ADRA1A: variants seen among roughly 807,000 people sequenced by gnomAD.
The protein encoded by ADRA1A is alpha-1A adrenergic receptor.
Under a neutral mutation model 29.6 loss-of-function variants are expected in ADRA1A, and 31 were observed. That is an observed-to-expected ratio of 1.05 (90% CI 0.79 to 1.41). The LOEUF is 1.41. ADRA1A is among the 40% of genes most tolerant of loss of function. The pLI is 0.00. For synonymous variants in ADRA1A, 311 were observed against 254.3 expected (o/e 1.22, Z -2.12); for missense variants, 619 against 601.1 (o/e 1.03, Z -0.31).
intron 2 of ADRA1A, among the ~76,000 whole-genome samples, chr8:26,843,123 G>T (rs1306468511): frequency 2.6e-5 from 4 of 152,114 alleles, no homozygotes; most frequent in Admixed American, 2.6e-4. Context: ...GTGTTATCTT[G>T]TCCTGATGAC....
downstream of ADRA1A, among the ~76,000 whole-genome samples, chr8:26,762,952 A>G (rs548911448): frequency 6.6e-6 from 1 of 152,316 alleles, no homozygotes; most frequent in Non-Finnish European, 1.5e-5. This position sits in a 1 kb window ranked among gnomAD's most constrained non-coding sequence, Gnocchi z 4.0. Context: ...CAGCTCAGGG[A>G]AACATGAATC....
chr8:26,770,725 A>T (rs1048425212), intron 2 of ADRA1A, 59 bp from the exon 3 acceptor site: 8 of 1,526,694 alleles, frequency 5.2e-6, no homozygotes, highest in Non-Finnish European at 7.0e-6. Flanking sequence ...CCAATTGGCT[A>T]GGAAAACAAT....
In ADRA1A at chr8:26,867,261, C is replaced by T. The variant is rs1255664022; in HGVS notation, c.-1012G>A. ...AAAAGAATAGCAAGGAACTTTGCAG[C>T]TCTCGCTGACGTAACTCAGGCAGTA... On this transcript the variant is annotated 5_prime_UTR_variant, in exon 1 of 3. Transcript: ENST00000380573. 2 of 985,364 alleles carry T rather than the reference C, an allele frequency of 2.0e-6. No individual in the cohort carries two copies. The highest frequency in any genetic ancestry group is 2.4e-6 in the Non-Finnish European group (2 of 829,964). 61.0% of individuals were successfully genotyped at this position (985,364 alleles called of 1,614,324 possible). A position where few individuals can be genotyped will look rare whatever the true frequency, so the allele number is the denominator to read the frequency against.
chr8:26,761,880 C>T (rs1805522452), downstream of ADRA1A, among the ~76,000 whole-genome samples: 1 of 152,142 alleles, frequency 6.6e-6, no homozygotes, highest in Admixed American at 6.5e-5. Context: ...AGCAGATGGG[C>T]TGCTGGGGAC....
chr8:26,786,510 G>C (rs7832752), intron 2 of ADRA1A, among the ~76,000 whole-genome samples: 51,260 of 151,588 alleles, frequency 0.34, 9,986 homozygotes, highest in East Asian at 0.84. Flanking sequence ...AATGATCCAC[G>C]TGCCTCAGCC....
chr8:26,774,272 G>T (rs1806381883), intron 2 of ADRA1A, among the ~76,000 whole-genome samples: 1 of 152,194 alleles, frequency 6.6e-6, no homozygotes, highest in Admixed American at 6.5e-5. Flanking sequence ...GGGAACAGGT[G>T]CTGGGAGCCA....
chr8:26,864,594 T>G lies in ADRA1A; in HGVS notation c.376A>C (p.Ile126Leu), dbSNP rs1372847806. 3.1e-6 allele frequency: 5 copies of G among 1,614,110 alleles called. No homozygotes were observed. The highest frequency in any genetic ancestry group is 1.1e-5 in the South Asian group (1 of 91,072). ...TAGCGCAGCGGGTAGCTCACGCCGA[T>G]GTAGCGGTCGATGGAGATGATGCAG... ...GLCIISIDRY[I>L]GVSYPLRYPT... is the part of the protein sequence containing the mutation. The change falls in exon 2 of 3, where the codon ATC becomes CTC. Residue 126 changes from isoleucine (I) to leucine (L), a missense_variant. Ile to Leu is a conservative substitution (Grantham distance 5, BLOSUM62 2). Transcript: ENST00000380573. This position sits in a 1 kb window ranked among gnomAD's most constrained non-coding sequence, Gnocchi z 8.1.
At chr8:26,767,802 G>T (rs1805871899), downstream of ADRA1A, among the ~76,000 whole-genome samples, 1 of 152,206 alleles carries the variant, frequency 6.6e-6, no homozygotes, top group South Asian at 2.1e-4. Flanking sequence ...CCTGTAAGGG[G>T]GAGTGGGGCA....
chr8:26,765,724 CTCTT>C, downstream of ADRA1A: 1 of 953,384 alleles, frequency 1.0e-6, no homozygotes. Context: ...ATGAGCAGAG[CTCTT>C]TCTTTAATTA....
chr8:26,778,798 G>A (rs1806734316), intron 2 of ADRA1A, among the ~76,000 whole-genome samples: 2 of 117,878 alleles, frequency 1.7e-5, no homozygotes, highest in South Asian at 3.4e-4. Flanking sequence ...CTGTTGTGGG[G>A]TGGGGGGAGG....
intron 2 of ADRA1A, among the ~76,000 whole-genome samples, chr8:26,838,631 G>C (rs1358858124): frequency 6.6e-6 from 1 of 152,210 alleles, no homozygotes; most frequent in African/African-American, 2.4e-5. Context: ...GTGAAGAACT[G>C]AGCCCTGGAG....
rs569522394 is a variant in ADRA1A at position 26,844,052 on chromosome 8, A to T, written c.883+20035T>A. On this transcript the variant is annotated intron_variant, in intron 2 of 2. Transcript: ENST00000380573. Reference sequence around the variant, plus strand: ...CAGGTCCACCATTCCTTTTCCAAAAACTTTGGTATTAGATGTGTTTTGGAA... The same window carrying T: ...CAGGTCCACCATTCCTTTTCCAAAATCTTTGGTATTAGATGTGTTTTGGAA... Among the ~76,000 whole-genome samples, 13 of 152,248 alleles carry T rather than the reference A, an allele frequency of 8.5e-5. No individual in the cohort carries two copies. The South Asian group carries it at 2.5e-3, about 29-fold the overall frequency.
rs539688344 is a variant in ADRA1A at position 26,760,594 on chromosome 8, G to A, written c.1270-3815C>T. Among the ~76,000 whole-genome samples the A allele has an allele frequency of 2.0e-4, 31 of 152,234 alleles. 1 individual carries two copies. The South Asian group carries it at 5.2e-3, about 25-fold the overall frequency. Reference sequence around the variant, plus strand: ...CCCTTAACCCACCTATCACTGGCACGGGTGCCCCAGGGTGATCACAGGGCT... The same window carrying A: ...CCCTTAACCCACCTATCACTGGCACAGGTGCCCCAGGGTGATCACAGGGCT... On this transcript the variant is annotated intron_variant, in intron 2 of 2. Coordinates refer to the ADRA1A transcript ENST00000380582.
At position 26,768,996 on chromosome 8, in the gene ADRA1A, C is replaced by T. The variant is rs901730202; in HGVS notation, c.*1153G>A. ...TGCGTTAGACAGTTCTTTGGTGATC[C>T]ATCAGTATTGTCTGAAGCTAAGCAT... On this transcript the variant is annotated 3_prime_UTR_variant, in exon 3 of 3. Transcript: ENST00000380573. The T allele has an allele frequency of 1.0e-6, 1 of 985,308 alleles. No homozygotes were observed. Among genetic ancestry groups the T allele is most frequent in the African/African-American group, 1.7e-5 (1 of 57,242 alleles). The allele number at this position is 985,308 out of a possible 1,614,324, so 61.0% of individuals were successfully genotyped here.
At chr8:26,813,538 A>G (rs1394017291) in intron 2 of ADRA1A, among the ~76,000 whole-genome samples, 1 of 151,990 alleles carries the variant, frequency 6.6e-6, no homozygotes, top group Non-Finnish European at 1.5e-5. Context: ...CCATCCACCT[A>G]TTAATCCAGT....
chr8:26,789,725 G>T (rs1285518856), intron 2 of ADRA1A, among the ~76,000 whole-genome samples: 4 of 152,004 alleles, frequency 2.6e-5, no homozygotes, highest in Non-Finnish European at 5.9e-5. Context: ...TCTGACAACA[G>T]ATTAATATCC....
downstream of ADRA1A, among the ~76,000 whole-genome samples, chr8:26,761,538 T>C (rs1805502666): frequency 6.6e-6 from 1 of 152,134 alleles, no homozygotes; most frequent in African/African-American, 2.4e-5. Context: ...GACAGAGAAA[T>C]GCAGAGGAAA....
intron 2 of ADRA1A, among the ~76,000 whole-genome samples, chr8:26,863,155 G>A (rs1585864720): frequency 6.6e-6 from 1 of 152,196 alleles, no homozygotes; most frequent in African/African-American, 2.4e-5. Context: ...TTTAGAGTTG[G>A]TGGATAATCG....
chr8:26,788,482 A>G (rs755745213), intron 2 of ADRA1A, among the ~76,000 whole-genome samples: 5 of 152,182 alleles, frequency 3.3e-5, no homozygotes, highest in South Asian at 2.1e-4. Context: ...ACCCATGTGG[A>G]GAGTTCTTCC....
Sources: allele counts gnomAD v4.1 joint callset (sites outside exome capture counted in the v4.1 genomes callset), GRCh38; gene constraint gnomAD v4.1.1; non-coding constraint Gnocchi (gnomAD v3.1); transcripts MANE v1.5; gene names NCBI Gene and HGNC (gene_info 2026-07-23, HGNC 2026-07-21).